The following MAP4K3 variants were observed in gnomAD, a reference collection of about 807,000 sequenced individuals.
The protein encoded by MAP4K3 is MAPK/ERK kinase kinase kinase 3.
Under a neutral mutation model 143.5 loss-of-function variants are expected in MAP4K3, and 94 were observed. The ratio of observed to expected loss-of-function variants is 0.65; its 90% CI spans 0.55 to 0.78. The LOEUF is 0.78. Among genes scored for constraint, MAP4K3 ranks in the 30% least tolerant of loss-of-function variants. The pLI is 0.00. For synonymous variants in MAP4K3, 416 were observed against 347.2 expected (o/e 1.20, Z -2.20); for missense variants, 1,077 against 1,068.1 (o/e 1.01, Z -0.12).
rs574813792 is a variant in MAP4K3, at chr2:39,363,232, T to C, written c.155-6893A>G. Among the ~76,000 whole-genome samples the C allele has an allele frequency of 2.0e-5, 3 of 152,174 alleles. No individual in the cohort carries two copies. In the East Asian group the frequency reaches 5.8e-4, roughly 29 times the overall value. ...AACTGAAATTCCACCACTAAAAAGC[T>C]TCCGCACAGCACAAGAAACAGAATT... is the stretch of plus-strand genomic sequence containing the variant. On this transcript the variant is annotated intron_variant, in intron 2 of 33. Transcript: ENST00000263881.
intron 21 of MAP4K3, among the ~76,000 whole-genome samples, chr2:39,284,159 G>A (rs1164424962): frequency 6.6e-6 from 1 of 151,784 alleles, no homozygotes; most frequent in Admixed American, 6.6e-5. Flanking sequence ...ATCTTTTTTT[G>A]TTGTTGTTTT....
intron 23 of MAP4K3, among the ~76,000 whole-genome samples, chr2:39,279,849 T>C (rs978663641): frequency 2.0e-5 from 3 of 152,048 alleles, no homozygotes; most frequent in Admixed American, 6.6e-5. Flanking sequence ...GCTACTCGGG[T>C]GGCTGAGGCA....
chr2:39,304,958 A>G (rs1682647306), intron 15 of MAP4K3, among the ~76,000 whole-genome samples: 1 of 152,246 alleles, frequency 6.6e-6, no homozygotes. Flanking sequence ...AGCCAGCCAC[A>G]AAAGAACAAA....
chr2:39,252,675 T>C (rs1680197088), intron 32 of MAP4K3, among the ~76,000 whole-genome samples: 1 of 152,232 alleles, frequency 6.6e-6, no homozygotes, highest in Non-Finnish European at 1.5e-5. Flanking sequence ...AGTTAGCATC[T>C]CCCCAAAATT....
intron 3 of MAP4K3, among the ~76,000 whole-genome samples, chr2:39,355,692 T>A (rs1468649118): frequency 1.3e-5 from 2 of 152,140 alleles, no homozygotes; most frequent in South Asian, 4.1e-4. Flanking sequence ...CTATGCAATA[T>A]AACCTAAGAA....
intron 21 of MAP4K3, among the ~76,000 whole-genome samples, chr2:39,284,832 A>G (rs1219934406): frequency 6.6e-6 from 1 of 151,886 alleles, no homozygotes; most frequent in Non-Finnish European, 1.5e-5. Flanking sequence ...CGACAGAGCG[A>G]GACTCCATCT....
chr2:39,274,802 C>A (rs752997962), intron 24 of MAP4K3, among the ~76,000 whole-genome samples: 7 of 152,092 alleles, frequency 4.6e-5, no homozygotes, highest in Non-Finnish European at 1.0e-4. Context: ...ACAAGATACT[C>A]CTTGTAAAGC....
At chr2:39,333,496 A>T in intron 7 of MAP4K3, 36 bp downstream of exon 7, 1 of 1,526,052 alleles carries the variant, frequency 6.6e-7, no homozygotes. Flanking sequence ...ATCTTAGAAT[A>T]GATTTGTGCA....
chr2:39,323,993 T>G (rs748772992), intron 12 of MAP4K3, among the ~76,000 whole-genome samples: 1 of 152,252 alleles, frequency 6.6e-6, no homozygotes, highest in African/African-American at 2.4e-5. Context: ...TTTTAGCTTA[T>G]GCAGTCATTT....
chr2:39,321,597 G>A (rs1423050363), intron 12 of MAP4K3, among the ~76,000 whole-genome samples: 4 of 152,150 alleles, frequency 2.6e-5, no homozygotes, highest in Non-Finnish European at 4.4e-5. Flanking sequence ...CTGTAATGAG[G>A]AGGATTAGTA....
At chr2:39,386,373 CCAAA>C (rs1316558147) in intron 1 of MAP4K3, among the ~76,000 whole-genome samples, 4 of 152,128 alleles carry the variant, frequency 2.6e-5, no homozygotes. Flanking sequence ...GGCAGCCTTG[CCAAA>C]CAAATATACA....
intron 15 of MAP4K3, among the ~76,000 whole-genome samples, chr2:39,303,358 C>A (rs1279738834): frequency 1.3e-5 from 2 of 152,114 alleles, no homozygotes; most frequent in East Asian, 3.9e-4. Context: ...ATTAACTGAT[C>A]AAGTTAGGTT....
At chr2:39,359,922 T>C (rs1015282168) in intron 2 of MAP4K3, among the ~76,000 whole-genome samples, 4 of 152,228 alleles carry the variant, frequency 2.6e-5, no homozygotes, top group Admixed American at 6.5e-5. Context: ...TCCAGGGCTG[T>C]GATGGGAGGG....
At position 39,371,063 on chromosome 2, in the gene MAP4K3, C is replaced by T. The variant is rs1216422077; in HGVS notation, c.154+7003G>A. 2.6e-5 allele frequency among the ~76,000 whole-genome samples: 4 copies of T among 152,178 alleles called. No individual in the cohort carries two copies. In the East Asian group the frequency reaches 7.7e-4, roughly 29 times the overall value. On this transcript the variant is annotated intron_variant, in intron 2 of 33. Coordinates refer to ENST00000263881, the MANE Select transcript of MAP4K3 (RefSeq NM_003618.4). The stretch of plus-strand genomic sequence containing the variant: ...GTCTCAAGAATTGGCAGTGTTCTAG[C>T]CGGATCAGCCACAGACCACAGGAAC...
chr2:39,419,003 G>C (rs976405532), intron 1 of MAP4K3, among the ~76,000 whole-genome samples: 1 of 152,058 alleles, frequency 6.6e-6, no homozygotes, highest in African/African-American at 2.4e-5. Flanking sequence ...AATGTACCAT[G>C]GTAACATGTT....
At chr2:39,325,115 C>A (rs966567096) in intron 12 of MAP4K3, among the ~76,000 whole-genome samples, 2 of 152,094 alleles carry the variant, frequency 1.3e-5, no homozygotes, top group Non-Finnish European at 2.9e-5. Flanking sequence ...CCAGGCCAAA[C>A]TGAGGATTCT....
intron 32 of MAP4K3, among the ~76,000 whole-genome samples, chr2:39,253,423 T>C (rs1680226857): frequency 6.6e-6 from 1 of 152,242 alleles, no homozygotes; most frequent in South Asian, 2.1e-4. Flanking sequence ...TGAGCCAACA[T>C]GCCTGGCCAG....
In MAP4K3 at chr2:39,290,287, T is replaced by A; in HGVS notation, c.1314+5A>T. 1 of 1,599,922 alleles carries A rather than the reference T, an allele frequency of 6.3e-7. No individual in the cohort carries two copies. The highest frequency in any genetic ancestry group is 8.5e-7 in the Non-Finnish European group (1 of 1,174,148). On this transcript the variant is annotated splice_donor_5th_base_variant and intron_variant, in intron 19 of 33. Coordinates refer to ENST00000263881, the MANE Select transcript of MAP4K3 (RefSeq NM_003618.4). ...TATATCAAATTGAAAAATAAATCTGTCTACCTTTGGTGGCAAAGGAGGTGG... is the reference window on the plus strand; with the variant it reads ...TATATCAAATTGAAAAATAAATCTGACTACCTTTGGTGGCAAAGGAGGTGG...
At chr2:39,298,502 T>TA (rs1682375330) in intron 16 of MAP4K3, among the ~76,000 whole-genome samples, 3 of 152,096 alleles carry the variant, frequency 2.0e-5, no homozygotes, top group South Asian at 2.1e-4. Context: ...CATATTTAAC[T>TA]AAAAAAATTA....
Sources: gnomAD v4.1 joint callset for allele counts (sites outside exome capture counted in the v4.1 genomes callset) on GRCh38, gnomAD v4.1.1 for gene constraint, MANE v1.5 for transcripts, NCBI Gene and HGNC (gene_info 2026-07-23, HGNC 2026-07-21) for gene names.